The following KCNC2 variants were observed in gnomAD, a reference collection of about 807,000 sequenced individuals.
KCNC2 encodes the protein potassium voltage-gated channel subfamily C member 2, also known as voltage-gated potassium channel KCNC2.
Under a neutral mutation model 44.5 loss-of-function variants are expected in KCNC2, and 21 were observed. That is an observed-to-expected ratio of 0.47 (90% CI 0.33 to 0.68). KCNC2 has a LOEUF of 0.68. Among genes scored for constraint, KCNC2 ranks in the 30% least tolerant of loss-of-function variants. The probability of loss-of-function intolerance (pLI) is 0.01; values close to 1 mark genes in which losing one functional copy is unlikely to be tolerated. For synonymous variants in KCNC2, 391 were observed against 339.1 expected, an observed-to-expected ratio of 1.15 and a Z score of -1.68; for missense variants, 589 against 826.2, an observed-to-expected ratio of 0.71 and a Z score of 3.52.
At chr12:75,204,871 C>T (rs1410551310) in intron 2 of KCNC2, among the ~76,000 whole-genome samples, 4 of 151,956 alleles carry the variant, frequency 2.6e-5, no homozygotes, top group Non-Finnish European at 5.9e-5. Flanking sequence ...GAAGACAAGA[C>T]CCACAAAAGA....
In KCNC2 at chr12:75,207,519, G is replaced by A; in HGVS notation, c.465C>T (p.Thr155=). ...CCTCGGCGTCGCGGTGCTGCCGGTAGGTCATCCAGCAGCAGGGCTCCACGT... is the reference window on the plus strand; with the variant it reads ...CCTCGGCGTCGCGGTGCTGCCGGTAAGTCATCCAGCAGCAGGGCTCCACGT... ...ETDVEPCCWM[T]YRQHRDAEEA... Residue 155 remains threonine, a synonymous_variant, in exon 2 of 5, where the codon ACC becomes ACT. Transcript: ENST00000549446. The surrounding 1 kb of genome is among the most constrained non-coding windows in gnomAD (Gnocchi z 4.1). 1 of 1,612,364 alleles carries A rather than the reference G, an allele frequency of 6.2e-7. No homozygotes were observed. Among genetic ancestry groups the A allele is most frequent in the Non-Finnish European group, 8.5e-7 (1 of 1,179,862 alleles).
chr12:75,150,763 T>C (rs539947426), intron 2 of KCNC2, among the ~76,000 whole-genome samples: 1 of 152,018 alleles, frequency 6.6e-6, no homozygotes, highest in South Asian at 2.1e-4. Context: ...TTTCACATAT[T>C]TATTTTTAAT....
chr12:75,172,309 C>T (rs752100696), intron 2 of KCNC2, among the ~76,000 whole-genome samples: 1 of 151,820 alleles, frequency 6.6e-6, no homozygotes, highest in Non-Finnish European at 1.5e-5. Flanking sequence ...GAAGGACACT[C>T]ACTGGGGCAT....
intron 2 of KCNC2, among the ~76,000 whole-genome samples, chr12:75,084,176 G>A (rs553049183): frequency 4.7e-4 from 71 of 151,572 alleles, no homozygotes; most frequent in African/African-American, 1.4e-3. Flanking sequence ...CTCCTCTATC[G>A]GTATAAAATA....
intron 4 of KCNC2, 157 bp from the exon 5 acceptor site, chr12:75,043,398 A>G (rs1175301990): frequency 2.9e-6 from 4 of 1,395,820 alleles, no homozygotes; most frequent in Non-Finnish European, 9.3e-7. Context: ...CTCTAAAAAA[A>G]TGAAGCTCAC....
At chr12:75,131,424 C>T (rs755627588) in intron 2 of KCNC2, among the ~76,000 whole-genome samples, 12 of 151,922 alleles carry the variant, frequency 7.9e-5, no homozygotes, top group Non-Finnish European at 1.2e-4. Flanking sequence ...CAGAATGGGC[C>T]CTCAAATAAT....
intron 2 of KCNC2, among the ~76,000 whole-genome samples, chr12:75,096,551 G>T (rs1051589014): frequency 2.0e-5 from 3 of 151,890 alleles, no homozygotes; most frequent in Non-Finnish European, 4.4e-5. Context: ...GTTATTCAAA[G>T]GACCTATATC....
chr12:75,078,508 T>C (rs1239408300), intron 2 of KCNC2, among the ~76,000 whole-genome samples: 1 of 152,194 alleles, frequency 6.6e-6, no homozygotes, highest in African/African-American at 2.4e-5. Flanking sequence ...GTCTTCTCCA[T>C]CATAATAGTC....
At chr12:75,064,041 A>T (rs1882589105) in intron 2 of KCNC2, among the ~76,000 whole-genome samples, 1 of 152,070 alleles carries the variant, frequency 6.6e-6, no homozygotes, top group South Asian at 2.1e-4. Context: ...CTTAGCCATA[A>T]ATGACAAAAA....
intron 2 of KCNC2, among the ~76,000 whole-genome samples, chr12:75,204,837 A>G (rs911713125): frequency 2.0e-5 from 3 of 152,130 alleles, no homozygotes; most frequent in African/African-American, 7.2e-5. Flanking sequence ...GCCAACCCCT[A>G]GGAATTTGAA....
intron 1 of KCNC2, among the ~76,000 whole-genome samples, chr12:75,208,415 TC>T (rs2031885905): frequency 1.3e-5 from 2 of 149,890 alleles, no homozygotes; most frequent in African/African-American, 4.9e-5. Flanking sequence ...AAACCTACTT[TC>T]TCCCCCTCCT....
chr12:75,041,559 T>C lies in KCNC2; in HGVS notation c.*1546A>G. On this transcript the variant is annotated 3_prime_UTR_variant, in exon 5 of 5. Coordinates refer to ENST00000549446, the MANE Select transcript of KCNC2 (RefSeq NM_139137.4). ...TTTATATTACGGTCTTTTTCTTCCC[T>C]CACATGCTCAATACATGAGACACGC... is the stretch of plus-strand genomic sequence containing the variant. 1 of 1,110,258 alleles carries C rather than the reference T, an allele frequency of 9.0e-7. No individual in the cohort carries two copies. Among genetic ancestry groups the C allele is most frequent in the Non-Finnish European group, 1.1e-6 (1 of 901,846 alleles). The allele number at this position is 1,110,258 out of a possible 1,614,324, so 68.8% of individuals were successfully genotyped here. A position where few individuals can be genotyped will look rare whatever the true frequency, so the allele number is the denominator to read the frequency against.
chr12:75,152,470 T>C (rs1890470982), intron 2 of KCNC2, among the ~76,000 whole-genome samples: 1 of 151,940 alleles, frequency 6.6e-6, no homozygotes, highest in South Asian at 2.1e-4. Context: ...CATTTGTATG[T>C]TTAAGTCATT....
At chr12:75,097,411 T>C (rs2137161122) in intron 2 of KCNC2, among the ~76,000 whole-genome samples, 1 of 152,232 alleles carries the variant, frequency 6.6e-6, no homozygotes, top group South Asian at 2.1e-4. Context: ...CTTTGGTTCA[T>C]AATAATGTAT....
At chr12:75,199,350 A>C (rs61932907) in intron 2 of KCNC2, among the ~76,000 whole-genome samples, 151,887 of 151,890 alleles carry the variant, frequency 1, 75,942 homozygotes, top group Middle Eastern at 1. Flanking sequence ...ACATAAAACA[A>C]TGAGGAAATG....
In KCNC2 at chr12:75,125,890, A is replaced by T. The variant is rs141725836; in HGVS notation, c.688-74573T>A. Among the ~76,000 whole-genome samples, 112 of 152,348 alleles carry T rather than the reference A, an allele frequency of 7.4e-4. 1 individual carries two copies. The highest frequency in any genetic ancestry group is 2.6e-3 in the African/African-American group (108 of 41,588). On this transcript the variant is annotated intron_variant, in intron 2 of 4. Coordinates refer to ENST00000549446, the MANE Select transcript of KCNC2 (RefSeq NM_139137.4). ...ATTCTGGGCTCTCTCACCTAGGCTC[A>T]TCCATTGGGGAATCAAGTGGTCAAA...
chr12:75,071,369 C>T (rs1307922705), intron 2 of KCNC2, among the ~76,000 whole-genome samples: 1 of 152,030 alleles, frequency 6.6e-6, no homozygotes, highest in African/African-American at 2.4e-5. Context: ...AAGGGGTATC[C>T]TAAAAATATT....
At chr12:75,073,288 C>A (rs553941437) in intron 2 of KCNC2, among the ~76,000 whole-genome samples, 12 of 152,006 alleles carry the variant, frequency 7.9e-5, no homozygotes, top group Non-Finnish European at 7.4e-5. Flanking sequence ...TCTCAAATAA[C>A]TTATTGGTTG....
At chr12:75,062,452 C>A (rs1421091540) in intron 2 of KCNC2, among the ~76,000 whole-genome samples, 1 of 151,786 alleles carries the variant, frequency 6.6e-6, no homozygotes, top group Non-Finnish European at 1.5e-5. Context: ...TTTTCAGGAT[C>A]CTTATAAAAT....
Sources: gnomAD v4.1 joint callset for allele counts (sites outside exome capture counted in the v4.1 genomes callset) on GRCh38, gnomAD v4.1.1 for gene constraint, Gnocchi (gnomAD v3.1) non-coding constraint, MANE v1.5 for transcripts, NCBI Gene and HGNC (gene_info 2026-07-23, HGNC 2026-07-21) for gene names.